Variants in MDM4 observed in about 807,000 individuals in gnomAD.
MDM4 encodes the protein protein Mdm4.
MDM4 carries 2 observed loss-of-function variants against 60.2 expected under a neutral mutation model. The ratio of observed to expected loss-of-function variants is 0.03; its 90% CI spans 0.01 to 0.10. MDM4 has a LOEUF of 0.10. MDM4 is among the 10% of genes least tolerant of loss of function. The pLI, the probability that MDM4 is intolerant of heterozygous loss-of-function variation, is 1.00. For missense variants in MDM4, 447 were observed against 577.5 expected (o/e 0.77, Z 2.32); for synonymous variants, 202 against 198.1 (o/e 1.02, Z -0.17).
intron 3 of MDM4, chr1:204,529,438 G>T: frequency 6.7e-7 from 1 of 1,497,656 alleles, no homozygotes. Context: ...GGGCCCCCTG[G>T]AGCTGTACCA....
chr1:204,534,980 T>G (rs1661252088), intron 5 of MDM4, among the ~76,000 whole-genome samples: 1 of 152,130 alleles, frequency 6.6e-6, no homozygotes, highest in Non-Finnish European at 1.5e-5. Context: ...TGTTCTGACT[T>G]GCAATTGCAT....
At chr1:204,548,537 T>C (rs983160057) in intron 10 of MDM4, among the ~76,000 whole-genome samples, 1 of 152,184 alleles carries the variant, frequency 6.6e-6, no homozygotes, top group African/African-American at 2.4e-5. Context: ...TATGGAGAAG[T>C]AGGGAAAAAT....
chr1:204,526,530 C>A, intron 3 of MDM4, 96 bp downstream of exon 3: 1 of 838,172 alleles, frequency 1.2e-6, no homozygotes, highest in South Asian at 1.6e-5. Flanking sequence ...GTGGTGCGAT[C>A]TCAGATCACT....
rs1663120141 is a variant in MDM4, at chr1:204,550,690, A to C, written c.*1008A>C. The C allele has an allele frequency of 5.8e-6, 1 of 172,406 alleles. No individual in the cohort carries two copies. The highest frequency in any genetic ancestry group is 1.2e-5 in the Non-Finnish European group (1 of 80,746). The allele number at this position is 172,406 out of a possible 1,614,324, so 10.7% of individuals were successfully genotyped here. On this transcript the variant is annotated 3_prime_UTR_variant, in exon 11 of 11. Coordinates refer to ENST00000367182, the MANE Select transcript of MDM4 (RefSeq NM_002393.5). ...TCAGCTTCCCTCACAGGCATTCACT[A>C]TCACTCCCAGCTAATTAAAATAATT...
chr1:204,516,627 G>GGGCGGCGTGGGGAAGGCCGCGCCA (rs1659000563), intron 1 of MDM4, 118 bp downstream of exon 1: 1 of 152,270 alleles, frequency 6.6e-6, no homozygotes, highest in Non-Finnish European at 1.5e-5. Flanking sequence ...GAGGTGGGTC[G>GGGCGGCGTGGGGAAGGCCGCGCCA]GGCGGCGTGG....
rs760037275 is a variant in MDM4 at position 204,525,620 on chromosome 1, GT to G, written c.78+30del. 6.6e-6 allele frequency: 9 copies of G among 1,372,988 alleles called. No homozygotes were observed. In the South Asian group the frequency reaches 8.9e-5, roughly 14 times the overall value. 85.1% of individuals were successfully genotyped at this position (1,372,988 alleles called of 1,614,324 possible). ...AGGTAAATCATTTTCGGTATTTCTA[GT>G]TTTTTGGTTTTTTTTTTTTTTAATT... On this transcript the variant is annotated intron_variant, in intron 2 of 10. Transcript: ENST00000367182.
intron 6 of MDM4, chr1:204,537,764 T>C (rs1661566041): frequency 5.0e-6 from 3 of 600,708 alleles, no homozygotes; most frequent in African/African-American, 1.9e-5. Context: ...TGTACCTGTG[T>C]GTGTGTGTTT....
At chr1:204,517,077 G>C (rs4245736) in intron 1 of MDM4, among the ~76,000 whole-genome samples, 89,019 of 151,672 alleles carry the variant, frequency 0.59, 28,361 homozygotes, top group Non-Finnish European at 0.7. Flanking sequence ...CCCGTCTCTA[G>C]TAAAAATACA....
chr1:204,530,878 A>G (rs1374771091), intron 4 of MDM4, 61 bp downstream of exon 4: 15 of 1,601,536 alleles, frequency 9.4e-6, no homozygotes, highest in Admixed American at 6.8e-5. Flanking sequence ...CTTAATTTCT[A>G]TGGGTTATTA....
intron 3 of MDM4, among the ~76,000 whole-genome samples, chr1:204,529,855 C>T (rs959815553): frequency 2.0e-5 from 3 of 152,158 alleles, no homozygotes; most frequent in African/African-American, 4.8e-5. Flanking sequence ...CTATCTATTG[C>T]ATAAAGGGAA....
chr1:204,532,654 T>A (rs1660986450), intron 5 of MDM4: 1 of 1,022,534 alleles, frequency 9.8e-7, no homozygotes, highest in Non-Finnish European at 1.4e-6. Context: ...ATTTTTGTCT[T>A]ACTTGAATTA....
At position 204,557,976 on chromosome 1, in the gene MDM4, G is replaced by A. The variant is rs1476193592; in HGVS notation, c.*8294G>A. 1.1e-5 allele frequency: 2 copies of A among 185,016 alleles called. No individual in the cohort carries two copies. Among genetic ancestry groups the A allele is most frequent in the Non-Finnish European group, 2.3e-5 (2 of 87,528 alleles). 11.5% of individuals were successfully genotyped at this position (185,016 alleles called of 1,614,324 possible). Reference sequence around the variant, plus strand: ...GCCAGCTCACTAGATGAGGAAAGAGGAAGGCATTTTCTGCATTCTTGCCTA... The same window carrying A: ...GCCAGCTCACTAGATGAGGAAAGAGAAAGGCATTTTCTGCATTCTTGCCTA... On this transcript the variant is annotated 3_prime_UTR_variant, in exon 11 of 11. Coordinates refer to ENST00000367182, the MANE Select transcript of MDM4 (RefSeq NM_002393.5).
At chr1:204,518,265 C>T (rs1466515512) in intron 1 of MDM4, among the ~76,000 whole-genome samples, 8 of 152,222 alleles carry the variant, frequency 5.3e-5, no homozygotes, top group Non-Finnish European at 1.2e-4. Context: ...AGGGATCCTC[C>T]TGCCTCAGCC....
At chr1:204,539,729 G>T (rs568266914) in intron 7 of MDM4, among the ~76,000 whole-genome samples, 1 of 151,468 alleles carries the variant, frequency 6.6e-6, no homozygotes, top group East Asian at 2.0e-4. Context: ...TAGAGACGGG[G>T]TTTTACCATG....
chr1:204,528,398 G>A (rs1260024647), intron 3 of MDM4, among the ~76,000 whole-genome samples: 1 of 152,174 alleles, frequency 6.6e-6, no homozygotes, highest in Non-Finnish European at 1.5e-5. Flanking sequence ...TCTCATGCTT[G>A]GTCAGATTCC....
At chr1:204,518,409 G>T (rs564398970) in intron 1 of MDM4, among the ~76,000 whole-genome samples, 2 of 152,092 alleles carry the variant, frequency 1.3e-5, no homozygotes, top group Admixed American at 1.3e-4. Flanking sequence ...CTTCCCTGCC[G>T]TCCCAGGTCC....
At position 204,556,044 on chromosome 1, in the gene MDM4, A is replaced by G. The variant is rs147127502; in HGVS notation, c.*6362A>G. 4.9e-3 allele frequency: 1,071 copies of G among 216,682 alleles called. 7 individuals are homozygous for G. Among genetic ancestry groups the G allele is most frequent in the Middle Eastern group, 0.016 (11 of 680 alleles). 13.4% of individuals were successfully genotyped at this position (216,682 alleles called of 1,614,324 possible). A position where few individuals can be genotyped will look rare whatever the true frequency, so the allele number is the denominator to read the frequency against. On this transcript the variant is annotated 3_prime_UTR_variant, in exon 11 of 11. Coordinates refer to ENST00000367182, the MANE Select transcript of MDM4 (RefSeq NM_002393.5). ...AAGTGGGAAGAAAACAGCATTTTAA[A>G]GTAACTTTTTGGGAGACTGATTTGA...
At chr1:204,538,359 C>G in intron 7 of MDM4, 51 bp downstream of exon 7, 1 of 955,296 alleles carries the variant, frequency 1.0e-6, no homozygotes, top group Non-Finnish European at 1.7e-6. Flanking sequence ...CCTCTTCCAA[C>G]CTTTTTATTT....
Position 204,544,490 on chromosome 1 carries a change from T to G in MDM4, c.673-45T>G, listed in dbSNP as rs1378526624. On this transcript the variant is annotated intron_variant, in intron 8 of 10. Transcript: ENST00000367182. Reference sequence around the variant, plus strand: ...ATTTGTGTTGTTTCAACATCTCTGATAAACCTCTGAATACAGAAACTCATG... The same window carrying G: ...ATTTGTGTTGTTTCAACATCTCTGAGAAACCTCTGAATACAGAAACTCATG... The G allele has an allele frequency of 1.9e-6, 3 of 1,564,300 alleles. No homozygotes were observed. In the African/African-American group the frequency reaches 4.1e-5, roughly 21 times the overall value.
Sources: allele counts gnomAD v4.1 joint callset (sites outside exome capture counted in the v4.1 genomes callset), GRCh38; gene constraint gnomAD v4.1.1; transcripts MANE v1.5; gene names NCBI Gene and HGNC (gene_info 2026-07-23, HGNC 2026-07-21).